The following C1D variants were observed in gnomAD, a reference collection of about 807,000 sequenced individuals.
The protein encoded by C1D is nuclear nucleic acid-binding protein C1D.
In C1D, 10 loss-of-function variants were observed where a neutral mutation model predicts 17.5. That is an observed-to-expected ratio of 0.57 (90% CI 0.35 to 0.97). The LOEUF is 0.97. C1D is among the 50% of genes least tolerant of loss of function. C1D has a pLI of 0.01. For missense variants in C1D, 136 were observed against 160.1 expected (o/e 0.85, Z 0.81); for synonymous variants, 49 against 54.0 (o/e 0.91, Z 0.40).
At chr2:68,060,904 CTATT>C (rs1296806831) in intron 1 of C1D, among the ~76,000 whole-genome samples, 1 of 152,064 alleles carries the variant, frequency 6.6e-6, no homozygotes, top group African/African-American at 2.4e-5. Context: ...TAGTTAGCAA[CTATT>C]TGTTTACTAA....
chr2:68,042,063 A>C lies in C1D; in HGVS notation c.*826T>G, dbSNP rs564398154. 7.2e-5 allele frequency: 11 copies of C among 152,186 alleles called. No individual in the cohort carries two copies. In the East Asian group the frequency reaches 2.1e-3, roughly 29 times the overall value. The allele number at this position is 152,186 out of a possible 1,614,324, so 9.4% of individuals were successfully genotyped here. A position where few individuals can be genotyped will look rare whatever the true frequency, so the allele number is the denominator to read the frequency against. On this transcript the variant is annotated 3_prime_UTR_variant, in exon 5 of 5. Coordinates refer to ENST00000410067, the MANE Select transcript of C1D (RefSeq NM_173177.3). The stretch of plus-strand genomic sequence containing the variant: ...AAACATGAAATAAAAAAAATCTGAA[A>C]AAAAATGAGATGAAAAGAACTGTGG...
chr2:68,049,128 T>C (rs1470119446), intron 1 of C1D, among the ~76,000 whole-genome samples: 2 of 147,220 alleles, frequency 1.4e-5, no homozygotes, highest in East Asian at 4.0e-4. Flanking sequence ...ACCTGGGAGG[T>C]GGAGGTTGCA....
At chr2:68,045,087 A>C (rs965557950) in intron 4 of C1D, among the ~76,000 whole-genome samples, 12 of 152,172 alleles carry the variant, frequency 7.9e-5, no homozygotes, top group African/African-American at 2.9e-4. Flanking sequence ...AAGAACTTCA[A>C]AATAAGGAAA....
chr2:68,042,796 T>G lies in C1D; in HGVS notation c.*93A>C. On this transcript the variant is annotated 3_prime_UTR_variant, in exon 5 of 5. Coordinates refer to ENST00000410067, the MANE Select transcript of C1D (RefSeq NM_173177.3). ...AATTTACATATTAATAAGAAACACA[T>G]TTAAACCTTGCCCTGCCACAGAATT... 1 of 605,228 alleles carries G rather than the reference T, an allele frequency of 1.7e-6. No individual in the cohort carries two copies. Among genetic ancestry groups the G allele is most frequent in the Non-Finnish European group, 2.9e-6 (1 of 345,128 alleles). The allele number at this position is 605,228 out of a possible 1,614,324, so 37.5% of individuals were successfully genotyped here. A position where few individuals can be genotyped will look rare whatever the true frequency, so the allele number is the denominator to read the frequency against.
At chr2:68,054,618 T>C (rs1343953334) in intron 1 of C1D, among the ~76,000 whole-genome samples, 1 of 152,116 alleles carries the variant, frequency 6.6e-6, no homozygotes, top group Admixed American at 6.6e-5. Flanking sequence ...CCTACATTCA[T>C]GTTTGACTAA....
chr2:68,045,105 G>A (rs1483185666), intron 4 of C1D, among the ~76,000 whole-genome samples: 1 of 151,778 alleles, frequency 6.6e-6, no homozygotes, highest in Non-Finnish European at 1.5e-5. Context: ...AAATGTCTTA[G>A]ACTACATGTT....
chr2:68,046,471 C>T lies in C1D; in HGVS notation c.139-61G>A, dbSNP rs1671125090. 5 of 1,141,018 alleles carry T rather than the reference C, an allele frequency of 4.4e-6. No homozygotes were observed. The East Asian group carries it at 1.2e-4, about 27-fold the overall frequency. 70.7% of individuals were successfully genotyped at this position (1,141,018 alleles called of 1,614,324 possible). A position where few individuals can be genotyped will look rare whatever the true frequency, so the allele number is the denominator to read the frequency against. ...GTGAGACAGAAAAAAAATACACAAA[C>T]TTTGAACACCATCTGATAACATTTG... On this transcript the variant is annotated intron_variant, in intron 2 of 4. Coordinates refer to ENST00000410067, the MANE Select transcript of C1D (RefSeq NM_173177.3).
chr2:68,058,451 G>A (rs578204206), intron 1 of C1D, among the ~76,000 whole-genome samples: 4 of 152,340 alleles, frequency 2.6e-5, no homozygotes, highest in South Asian at 2.1e-4. Context: ...TGACAGAGAT[G>A]AATTAAGCAG....
intron 1 of C1D, among the ~76,000 whole-genome samples, chr2:68,054,565 T>A (rs1671383614): frequency 1.3e-5 from 2 of 152,174 alleles, no homozygotes; most frequent in African/African-American, 4.8e-5. Context: ...ACTTAATTGA[T>A]TATGGATTTT....
At chr2:68,051,702 A>T (rs1344319740) in intron 1 of C1D, among the ~76,000 whole-genome samples, 1 of 151,712 alleles carries the variant, frequency 6.6e-6, no homozygotes, top group East Asian at 1.9e-4. Context: ...CCTTCCTAGA[A>T]TACTCTATTC....
chr2:68,050,442 C>A (rs752432591), intron 1 of C1D, among the ~76,000 whole-genome samples: 1 of 152,152 alleles, frequency 6.6e-6, no homozygotes, highest in African/African-American at 2.4e-5. Flanking sequence ...AAATCTCCTA[C>A]AAACATACCT....
chr2:68,055,782 A>G (rs1021393594), intron 1 of C1D, among the ~76,000 whole-genome samples: 6 of 152,240 alleles, frequency 3.9e-5, no homozygotes, highest in Non-Finnish European at 7.3e-5. Context: ...TTAAAAAAAA[A>G]GTAGCCTCCA....
In C1D at chr2:68,042,324, T is replaced by C. The variant is rs189683931; in HGVS notation, c.*565A>G. The C allele has an allele frequency of 7.5e-4, 115 of 152,720 alleles. No individual in the cohort carries two copies. The highest frequency in any genetic ancestry group is 2.8e-4 in the Non-Finnish European group (19 of 67,986). The allele number at this position is 152,720 out of a possible 1,614,324, so 9.5% of individuals were successfully genotyped here. On this transcript the variant is annotated 3_prime_UTR_variant, in exon 5 of 5. Transcript: ENST00000410067. ...AATGTATTTTATTTTAAATGGGACA[T>C]AGAGGCAACATGCCAAGAATTAAAG...
intron 3 of C1D, 36 bp from the exon 4 acceptor site, chr2:68,046,079 A>G (rs762359657): frequency 2.3e-5 from 32 of 1,400,394 alleles, no homozygotes; most frequent in Non-Finnish European, 3.2e-5. Flanking sequence ...AAAATGGTGA[A>G]TGTATTAATT....
intron 1 of C1D, among the ~76,000 whole-genome samples, chr2:68,047,678 C>G (rs544615607): frequency 5.0e-4 from 76 of 152,358 alleles, no homozygotes; most frequent in African/African-American, 1.7e-3. Flanking sequence ...CCTCCCACCT[C>G]TCAGCCTCCT....
At chr2:68,046,211 G>C in intron 3 of C1D, 133 bp downstream of exon 3, 3 of 823,908 alleles carry the variant, frequency 3.6e-6, no homozygotes, top group Non-Finnish European at 5.8e-6. Context: ...CTGGCATCTA[G>C]ATTTAAAAAT....
intron 1 of C1D, 94 bp from the exon 2 acceptor site, chr2:68,047,413 C>A: frequency 1.1e-6 from 1 of 892,200 alleles, no homozygotes; most frequent in Non-Finnish European, 1.6e-6. Flanking sequence ...TCATGTATTT[C>A]AAAGGCACTA....
chr2:68,051,052 C>T (rs1019911056), intron 1 of C1D, among the ~76,000 whole-genome samples: 1 of 152,210 alleles, frequency 6.6e-6, no homozygotes, highest in Non-Finnish European at 1.5e-5. Flanking sequence ...AACCACCAAA[C>T]CACTATCCTG....
At chr2:68,047,400 A>G (rs1475735359) in intron 1 of C1D, 81 bp from the exon 2 acceptor site, 15 of 1,050,574 alleles carry the variant, frequency 1.4e-5, no homozygotes, top group Non-Finnish European at 2.0e-5. Context: ...TCAATAGGTC[A>G]TATCATGTAT....
Sources: gnomAD v4.1 joint callset for allele counts (sites outside exome capture counted in the v4.1 genomes callset) on GRCh38, gnomAD v4.1.1 for gene constraint, MANE v1.5 for transcripts, NCBI Gene and HGNC (gene_info 2026-07-23, HGNC 2026-07-21) for gene names.